Variants in KANSL3 observed in about 807,000 individuals in gnomAD.
KANSL3 encodes NSL complex protein NSL3.
Under a neutral mutation model 89.2 loss-of-function variants are expected in KANSL3, and 16 were observed. That is an observed-to-expected ratio of 0.18 (90% CI 0.12 to 0.27). The LOEUF (loss-of-function observed/expected upper bound fraction) is 0.27. KANSL3 is among the 10% of genes least tolerant of loss of function. The pLI is 1.00. For synonymous variants in KANSL3, 385 were observed against 419.7 expected (o/e 0.92, Z 1.01); for missense variants, 879 against 1,110.6 (o/e 0.79, Z 2.96).
intron 3 of KANSL3, chr2:96,628,151 G>T: frequency 1.6e-6 from 2 of 1,289,592 alleles, no homozygotes; most frequent in Non-Finnish European, 2.0e-6. Context: ...AGGAGAAGGT[G>T]CACACTGGCC....
intron 3 of KANSL3, among the ~76,000 whole-genome samples, chr2:96,629,713 C>T (rs1243065236): frequency 6.6e-6 from 1 of 152,202 alleles, no homozygotes; most frequent in East Asian, 1.9e-4. Flanking sequence ...TCAACAGCTG[C>T]TGTTTTGATC....
chr2:96,608,823 C>A, intron 13 of KANSL3, 41 bp downstream of exon 13: 3 of 1,521,666 alleles, frequency 2.0e-6, no homozygotes, highest in East Asian at 2.4e-5. Context: ...CTCTGTGGTG[C>A]TGATTCCCCA....
chr2:96,582,014 A>G, the KANSL3 span, among the ~76,000 whole-genome samples: 1 of 152,056 alleles, frequency 6.6e-6, no homozygotes, highest in Non-Finnish European at 1.5e-5. Flanking sequence ...TGTACATTAG[A>G]TCTTTTGATA....
the KANSL3 span, among the ~76,000 whole-genome samples, chr2:96,583,520 T>C: frequency 1.3e-5 from 2 of 152,248 alleles, no homozygotes; most frequent in East Asian, 1.9e-4. Flanking sequence ...AATCATACCG[T>C]GTAGTCTTTT....
At chr2:96,614,302 C>G (rs897691375) in intron 5 of KANSL3, among the ~76,000 whole-genome samples, 200 of 152,190 alleles carry the variant, frequency 1.3e-3, no homozygotes, top group Non-Finnish European at 8.8e-4. Context: ...CCATATTGGT[C>G]AGGATGGTCT....
downstream of KANSL3, among the ~76,000 whole-genome samples, chr2:96,590,501 G>C (rs907582699): frequency 6.6e-6 from 1 of 151,794 alleles, no homozygotes; most frequent in Non-Finnish European, 1.5e-5. Context: ...TGTTGCCTAG[G>C]GGGTTTCAAA....
chr2:96,623,053 C>T (rs1257167339), intron 3 of KANSL3, among the ~76,000 whole-genome samples: 1 of 152,186 alleles, frequency 6.6e-6, no homozygotes, highest in Admixed American at 6.6e-5. Context: ...TTTCTCTCTG[C>T]CAGGGTGTAA....
intron 3 of KANSL3, chr2:96,628,354 T>A (rs2072772652): frequency 1.5e-6 from 1 of 672,240 alleles, no homozygotes; most frequent in Admixed American, 6.3e-5. Flanking sequence ...TCTCTCCTTA[T>A]AAATTAAGAA....
At chr2:96,607,176 T>C in intron 14 of KANSL3, 6 of 437,112 alleles carry the variant, frequency 1.4e-5, no homozygotes, top group South Asian at 9.1e-5. Context: ...CATGGCAACC[T>C]GACTCTGCCA....
intron 2 of KANSL3, among the ~76,000 whole-genome samples, chr2:96,634,566 C>T (rs535480921): frequency 1.3e-5 from 2 of 152,132 alleles, no homozygotes; most frequent in Non-Finnish European, 2.9e-5. Context: ...AGGGTCCTTC[C>T]CCACTTTATG....
intron 2 of KANSL3, among the ~76,000 whole-genome samples, chr2:96,632,805 A>C (rs1382328910): frequency 6.6e-6 from 1 of 152,016 alleles, no homozygotes; most frequent in Non-Finnish European, 1.5e-5. Context: ...TCTCTACTAA[A>C]AATACAAAAA....
At position 96,626,792 on chromosome 2, in the gene KANSL3, A is replaced by G. The variant is rs145899304; in HGVS notation, c.386+4520T>C. ...TCAAAGGTCCTCTAAGTCACATGCC[A>G]TGGCACGCAGACACAAGAACATGAC... is the stretch of plus-strand genomic sequence containing the variant. On this transcript the variant is annotated intron_variant, in intron 3 of 20. Transcript: ENST00000431828. 1.7e-3 allele frequency among the ~76,000 whole-genome samples: 260 copies of G among 152,348 alleles called. 1 individual carries two copies. In the Middle Eastern group the frequency reaches 0.02, roughly 12 times the overall value.
chr2:96,598,285 AG>A (rs2066739711), intron 20 of KANSL3: 1 of 204,402 alleles, frequency 4.9e-6, no homozygotes, highest in Non-Finnish European at 8.6e-6. Context: ...TCATTCTACA[AG>A]GATTGAATTA....
intron 20 of KANSL3, chr2:96,600,748 C>G: frequency 1.0e-6 from 1 of 985,374 alleles, no homozygotes; most frequent in Non-Finnish European, 1.2e-6. Flanking sequence ...TTGAAAAGGT[C>G]ACAGGGGAAA....
intron 3 of KANSL3, among the ~76,000 whole-genome samples, chr2:96,629,507 AG>A (rs2073009585): frequency 6.6e-6 from 1 of 152,186 alleles, no homozygotes; most frequent in African/African-American, 2.4e-5. Flanking sequence ...TTTTTAGCAG[AG>A]ACAGAGTTTC....
At chr2:96,591,046 CAGT>C (rs2066267161), downstream of KANSL3, among the ~76,000 whole-genome samples, 1 of 152,240 alleles carries the variant, frequency 6.6e-6, no homozygotes, top group African/African-American at 2.4e-5. Flanking sequence ...ACAATTGCCA[CAGT>C]AGCTTTATCT....
chr2:96,610,838 C>T lies in KANSL3; in HGVS notation c.1207G>A (p.Val403Ile). Residue 403 changes from valine (V) to isoleucine (I), a missense_variant, in exon 11 of 21, where the codon GTC becomes ATC. Physicochemically the swap from Val to Ile is conservative, Grantham distance 29. Coordinates refer to ENST00000431828, the MANE Select transcript of KANSL3 (RefSeq NM_001115016.3). Reference sequence around the variant, plus strand: ...CATTGAAGGGAATTCTGACCAATGACAAAGAGGACTGGAGTCTTCATATCC... The same window carrying T: ...CATTGAAGGGAATTCTGACCAATGATAAAGAGGACTGGAGTCTTCATATCC... ...LLDMKTPVLFVIGQNSLQCHP... is the reference protein window; with the variant it reads ...LLDMKTPVLFIIGQNSLQCHP... 1 of 1,613,950 alleles carries T rather than the reference C, an allele frequency of 6.2e-7. No individual in the cohort carries two copies. The highest frequency in any genetic ancestry group is 2.2e-5 in the East Asian group (1 of 44,880).
chr2:96,608,644 G>A lies in KANSL3; in HGVS notation c.1605C>T (p.Ser535=), dbSNP rs767562782. Reference sequence around the variant, plus strand: ...TGGTCTTGGGACTGGAGGTGGGGCTGCTGGACACACTGGAGAGATCCTGAG... The same window carrying A: ...TGGTCTTGGGACTGGAGGTGGGGCTACTGGACACACTGGAGAGATCCTGAG... ...SGSEDLSSVS[S]SPTSSPKTKV... Residue 535 remains serine, a synonymous_variant, in exon 14 of 21, where the codon AGC becomes AGT. Transcript: ENST00000431828. 1.2e-6 allele frequency: 2 copies of A among 1,614,030 alleles called. No individual in the cohort carries two copies. The highest frequency in any genetic ancestry group is 1.7e-5 in the Admixed American group (1 of 60,028).
the KANSL3 span, among the ~76,000 whole-genome samples, chr2:96,584,659 A>G: frequency 1.3e-5 from 2 of 152,164 alleles, no homozygotes; most frequent in African/African-American, 4.8e-5. Flanking sequence ...ACTTCACTTA[A>G]CATGTCCTCC....
Sources: gnomAD v4.1 joint callset for allele counts (sites outside exome capture counted in the v4.1 genomes callset) on GRCh38, gnomAD v4.1.1 for gene constraint, MANE v1.5 for transcripts, NCBI Gene and HGNC (gene_info 2026-07-23, HGNC 2026-07-21) for gene names.